The following CERKL variants were observed in gnomAD, a reference collection of about 807,000 sequenced individuals.
CERKL encodes CERK like autophagy regulator, also known as ceramide kinase-like protein.
CERKL carries 61 observed loss-of-function variants against 63.4 expected under a neutral mutation model. The observed-to-expected ratio is 0.96, with a 90% CI of 0.78 to 1.19. The LOEUF is 1.19. CERKL is among the 50% of genes most tolerant of loss of function. CERKL has a pLI of 0.00. For synonymous variants in CERKL, 250 were observed against 230.5 expected (o/e 1.08, Z -0.77); for missense variants, 675 against 655.5 (o/e 1.03, Z -0.33).
chr2:181,561,201 G>A (rs1688425103), intron 4 of CERKL, among the ~76,000 whole-genome samples: 1 of 152,060 alleles, frequency 6.6e-6, no homozygotes, highest in African/African-American at 2.4e-5. Context: ...ACGAGGTCAG[G>A]AGTTCAAGAT....
At chr2:181,601,844 T>C (rs1685472003) in intron 2 of CERKL, among the ~76,000 whole-genome samples, 1 of 152,182 alleles carries the variant, frequency 6.6e-6, no homozygotes, top group Admixed American at 6.5e-5. Context: ...AGTCAATCTA[T>C]TTGCTTTTAA....
chr2:181,561,277 G>A (rs1292849321), intron 4 of CERKL, among the ~76,000 whole-genome samples: 29 of 152,068 alleles, frequency 1.9e-4, no homozygotes, highest in Admixed American at 1.8e-3. Context: ...GAGCATGGTG[G>A]TGCATGCCTG....
chr2:181,602,829 C>G (rs1025340799), intron 2 of CERKL, among the ~76,000 whole-genome samples: 1 of 152,176 alleles, frequency 6.6e-6, no homozygotes, highest in Non-Finnish European at 1.5e-5. Flanking sequence ...CTACTCTGAT[C>G]TGACTGATGC....
intron 10 of CERKL, among the ~76,000 whole-genome samples, chr2:181,547,086 G>A (rs1205591434): frequency 6.6e-6 from 1 of 152,158 alleles, no homozygotes; most frequent in African/African-American, 2.4e-5. Context: ...CATGTGAGAT[G>A]TGACTTTCAT....
At chr2:181,551,432 C>A (rs1359799735) in intron 5 of CERKL, among the ~76,000 whole-genome samples, 1 of 151,946 alleles carries the variant, frequency 6.6e-6, no homozygotes, top group Non-Finnish European at 1.5e-5. Flanking sequence ...AAAGGTCTAA[C>A]ATCCAGAATC....
At chr2:181,540,465 G>A (rs930969089) in intron 11 of CERKL, among the ~76,000 whole-genome samples, 31 of 152,130 alleles carry the variant, frequency 2.0e-4, no homozygotes, top group African/African-American at 7.0e-4. Flanking sequence ...TAGGGTCTTT[G>A]CAGGTAGAAT....
intron 1 of CERKL, among the ~76,000 whole-genome samples, chr2:181,609,643 T>A (rs1157346270): frequency 6.6e-6 from 1 of 150,746 alleles, no homozygotes; most frequent in Non-Finnish European, 1.5e-5. Flanking sequence ...GAGGCGGAGG[T>A]TGCAGTGAGC....
chr2:181,613,791 C>T (rs1686074500), intron 1 of CERKL, among the ~76,000 whole-genome samples: 1 of 152,158 alleles, frequency 6.6e-6, no homozygotes, highest in African/African-American at 2.4e-5. Context: ...TGATCTATTA[C>T]TCATTTTGGC....
chr2:181,585,150 A>C (rs899821290), intron 2 of CERKL, among the ~76,000 whole-genome samples: 12 of 152,078 alleles, frequency 7.9e-5, no homozygotes, highest in African/African-American at 2.4e-4. Flanking sequence ...ATCACTTGAC[A>C]TAATAGAAAT....
chr2:181,613,249 C>A (rs142972142), intron 1 of CERKL, among the ~76,000 whole-genome samples: 1 of 152,170 alleles, frequency 6.6e-6, no homozygotes, highest in Non-Finnish European at 1.5e-5. Context: ...TAAGTGAGAT[C>A]ATCTGTTTTT....
intron 2 of CERKL, among the ~76,000 whole-genome samples, chr2:181,602,725 T>A (rs1322988319): frequency 6.6e-6 from 1 of 152,244 alleles, no homozygotes; most frequent in East Asian, 1.9e-4. Context: ...ACTGGAAATT[T>A]CTAACATGCC....
intron 1 of CERKL, among the ~76,000 whole-genome samples, chr2:181,617,593 T>A (rs969985850): frequency 6.6e-6 from 1 of 152,188 alleles, no homozygotes; most frequent in African/African-American, 2.4e-5. Context: ...GGCAGTGACA[T>A]TAGACTTTTT....
intron 1 of CERKL, among the ~76,000 whole-genome samples, chr2:181,641,600 T>C (rs1328837219): frequency 1.3e-5 from 2 of 152,106 alleles, no homozygotes; most frequent in East Asian, 1.9e-4. Context: ...TTCAGGTTCA[T>C]TTTTCAAAAG....
intron 2 of CERKL, among the ~76,000 whole-genome samples, chr2:181,585,911 C>T (rs1051459126): frequency 6.6e-6 from 1 of 152,254 alleles, no homozygotes; most frequent in Non-Finnish European, 1.5e-5. Flanking sequence ...TAGACTTGAA[C>T]TCAGAGTGCT....
At chr2:181,630,776 C>T (rs1317926296) in intron 1 of CERKL, among the ~76,000 whole-genome samples, 1 of 152,208 alleles carries the variant, frequency 6.6e-6, no homozygotes, top group African/African-American at 2.4e-5. Flanking sequence ...TAGCAGACTC[C>T]TATACTATCC....
chr2:181,591,205 A>G (rs975400295), intron 2 of CERKL, among the ~76,000 whole-genome samples: 1 of 152,186 alleles, frequency 6.6e-6, no homozygotes, highest in African/African-American at 2.4e-5. Context: ...TAAAAAACAT[A>G]CATATATGAG....
chr2:181,560,207 A>G (rs1291008124), intron 4 of CERKL, among the ~76,000 whole-genome samples: 1 of 152,168 alleles, frequency 6.6e-6, no homozygotes, highest in East Asian at 1.9e-4. Context: ...GTAACCCTCA[A>G]TCCATGGCTG....
At position 181,537,205 on chromosome 2, in the gene CERKL, G is replaced by C. The variant is rs200370399; in HGVS notation, c.*979C>G. ...GATCATAGATGAAAAATCAAGCCCC[G>C]ATTTAGAACTGTCTTCTCCAGGATG... On this transcript the variant is annotated 3_prime_UTR_variant, in exon 13 of 13. Coordinates refer to ENST00000410087, the MANE Select transcript of CERKL (RefSeq NM_201548.5). 1.3e-5 allele frequency: 6 copies of C among 452,928 alleles called. No homozygotes were observed. The highest frequency in any genetic ancestry group is 2.7e-5 in the Non-Finnish European group (6 of 226,048). The allele number at this position is 452,928 out of a possible 1,614,324, so 28.1% of individuals were successfully genotyped here.
chr2:181,608,972 A>G (rs1372520120), intron 1 of CERKL, among the ~76,000 whole-genome samples: 2 of 152,204 alleles, frequency 1.3e-5, no homozygotes, highest in Non-Finnish European at 2.9e-5. Context: ...ATATCTAGGA[A>G]TAAACTTAGC....
Sources: gnomAD v4.1 joint callset for allele counts (sites outside exome capture counted in the v4.1 genomes callset) on GRCh38, gnomAD v4.1.1 for gene constraint, MANE v1.5 for transcripts, NCBI Gene and HGNC (gene_info 2026-07-23, HGNC 2026-07-21) for gene names.